TMEM184B: variants seen among roughly 807,000 people sequenced by gnomAD.
The protein encoded by TMEM184B is transmembrane protein 184B, also known as putative MAPK-activating protein FM08.
Under a neutral mutation model 41.8 loss-of-function variants are expected in TMEM184B, and 17 were observed. The ratio of observed to expected loss-of-function variants is 0.41; its 90% confidence interval spans 0.28 to 0.61. The LOEUF is 0.61. TMEM184B is among the 20% of genes least tolerant of loss of function. TMEM184B has a pLI of 0.34. For synonymous variants in TMEM184B, 240 were observed against 229.5 expected, an observed-to-expected ratio of 1.05 and a Z score of -0.41; for missense variants, 393 against 557.8, an observed-to-expected ratio of 0.70 and a Z score of 2.98.
chr22:38,261,168 G>A (rs2092363676), intron 1 of TMEM184B, among the ~76,000 whole-genome samples: 1 of 152,152 alleles, frequency 6.6e-6, no homozygotes, highest in Non-Finnish European at 1.5e-5. Context: ...CTGAGCTTCT[G>A]GGCAGCTGCA....
chr22:38,234,604 CCTGGGACGTG>C (rs58466849), intron 3 of TMEM184B, among the ~76,000 whole-genome samples: 1,717 of 152,344 alleles, frequency 0.011, 33 homozygotes, highest in African/African-American at 0.04. Context: ...GACTGAAGCT[CCTGGGACGTG>C]CTGTGATCAC....
At chr22:38,216,620 T>C (rs2146028301), downstream of TMEM184B, 1 of 155,310 alleles carries the variant, frequency 6.4e-6, no homozygotes, top group East Asian at 1.9e-4. Flanking sequence ...TCACCAGCTA[T>C]TGCACAGGGT....
In TMEM184B at chr22:38,221,490, G is replaced by A. The variant is rs190768273; in HGVS notation, c.1203C>T (p.Leu401=). ...GARDNEKTLL[L]SSDDEF Reference sequence around the variant, plus strand: ...GCACCTAGAATTCATCATCAGAGCTGAGCAGGAGAGTCTTCTCGTTGTCGC... The same window carrying A: ...GCACCTAGAATTCATCATCAGAGCTAAGCAGGAGAGTCTTCTCGTTGTCGC... Residue 401 remains leucine, a synonymous_variant, in exon 9 of 9, where the codon CTC becomes CTT. Transcript: ENST00000361906. 1.2e-6 allele frequency: 2 copies of A among 1,612,316 alleles called. No individual in the cohort carries two copies. Among genetic ancestry groups the A allele is most frequent in the Non-Finnish European group, 8.5e-7 (1 of 1,179,472 alleles).
In TMEM184B at chr22:38,226,991, A is replaced by G; in HGVS notation, c.526-121T>C. ...GACAGAGAGGATGAAGGAGACGGAG[A>G]GGACGGAGGGATGGAGGGACGGAGG... On this transcript the variant is annotated intron_variant, in intron 5 of 8. Transcript: ENST00000361906. This position sits in a 1 kb window ranked among gnomAD's most constrained non-coding sequence, Gnocchi z 4.6. 4.1e-6 allele frequency: 4 copies of G among 971,166 alleles called. No individual in the cohort carries two copies. Among genetic ancestry groups the G allele is most frequent in the Non-Finnish European group, 6.1e-6 (4 of 650,424 alleles). 60.2% of individuals were successfully genotyped at this position (971,166 alleles called of 1,614,324 possible).
intron 2 of TMEM184B, chr22:38,246,623 G>T (rs890343894): frequency 3.2e-6 from 1 of 315,550 alleles, no homozygotes. Context: ...CTTCCTGGCC[G>T]AGTGGCTGCA....
chr22:38,229,291 C>T (rs1440700820), intron 5 of TMEM184B, among the ~76,000 whole-genome samples: 3 of 152,350 alleles, frequency 2.0e-5, no homozygotes, highest in East Asian at 1.9e-4. Flanking sequence ...GAAGAGTGGG[C>T]GTGATCCCCT....
At chr22:38,237,988 TG>T (rs1216299111) in intron 3 of TMEM184B, among the ~76,000 whole-genome samples, 2 of 151,614 alleles carry the variant, frequency 1.3e-5, no homozygotes. Flanking sequence ...TTAGTAGAGA[TG>T]GGGTTTCTCC....
At chr22:38,224,537 A>G (rs2091369290) in intron 8 of TMEM184B, among the ~76,000 whole-genome samples, 1 of 152,216 alleles carries the variant, frequency 6.6e-6, no homozygotes, top group African/African-American at 2.4e-5. Flanking sequence ...CTCTGTCTGT[A>G]TCAGCCCTGG....
intron 1 of TMEM184B, among the ~76,000 whole-genome samples, chr22:38,270,955 T>A (rs1004736053): frequency 6.6e-6 from 1 of 152,102 alleles, no homozygotes; most frequent in Non-Finnish European, 1.5e-5. Context: ...ACTCGGCCAA[T>A]AGGAAAGAAC....
rs1229978963 is a variant in TMEM184B, at chr22:38,225,220, C to T, written c.787+204G>A. On this transcript the variant is annotated intron_variant, in intron 7 of 8. Transcript: ENST00000361906. This position sits in a 1 kb window ranked among gnomAD's most constrained non-coding sequence, Gnocchi z 4.4. Reference sequence around the variant, plus strand: ...CGCAGGGTCTCCTGGGCCCTCTCATCCATGTAGCGGCCCCACCAAAGCTCT... The same window carrying T: ...CGCAGGGTCTCCTGGGCCCTCTCATTCATGTAGCGGCCCCACCAAAGCTCT... Among the ~76,000 whole-genome samples the T allele has an allele frequency of 6.6e-6, 1 of 152,166 alleles. No individual in the cohort carries two copies.
intron 1 of TMEM184B, among the ~76,000 whole-genome samples, chr22:38,264,248 A>C (rs2092412783): frequency 6.6e-6 from 1 of 152,212 alleles, no homozygotes; most frequent in South Asian, 2.1e-4. Context: ...TGCATTTCCC[A>C]GCTGTCAGTA....
intron 1 of TMEM184B, among the ~76,000 whole-genome samples, chr22:38,251,968 C>A (rs2092175003): frequency 6.6e-6 from 1 of 151,132 alleles, no homozygotes; most frequent in Non-Finnish European, 1.5e-5. Flanking sequence ...GATCACAGCT[C>A]ACTGCAGCCT....
At chr22:38,217,843 AAAAAG>A (rs1450756725), downstream of TMEM184B, among the ~76,000 whole-genome samples, 3,304 of 135,904 alleles carry the variant, frequency 0.024, 166 homozygotes, top group African/African-American at 0.092. Flanking sequence ...AAAAAAAAAA[AAAAAG>A]AAAAGAAAAG....
intron 8 of TMEM184B, chr22:38,223,653 C>A (rs558552139): frequency 1.3e-5 from 2 of 152,378 alleles, no homozygotes. Context: ...TCCAGCCACT[C>A]GGGCAGACAG....
Position 38,220,735 on chromosome 22 carries a change from G to A in TMEM184B, c.*734C>T, listed in dbSNP as rs2091235361. The stretch of plus-strand genomic sequence containing the variant: ...GAGCCGGCAGTGCGGGCTGTGGGCT[G>A]TCCTTGGTAGGCCAGGGGGAAGGGG... On this transcript the variant is annotated 3_prime_UTR_variant, in exon 9 of 9. Coordinates refer to ENST00000361906, the MANE Select transcript of TMEM184B (RefSeq NM_012264.5). The A allele has an allele frequency of 1.0e-6, 1 of 986,358 alleles. No individual in the cohort carries two copies. Among genetic ancestry groups the A allele is most frequent in the African/African-American group, 1.7e-5 (1 of 57,382 alleles). 61.1% of individuals were successfully genotyped at this position (986,358 alleles called of 1,614,324 possible). A position where few individuals can be genotyped will look rare whatever the true frequency, so the allele number is the denominator to read the frequency against.
chr22:38,224,168 T>C (rs1169041454), intron 8 of TMEM184B: 1 of 152,164 alleles, frequency 6.6e-6, no homozygotes, highest in Non-Finnish European at 1.5e-5. Context: ...CAGGCTGGAG[T>C]GCAATGGCAC....
In TMEM184B at chr22:38,231,263, T is replaced by C; in HGVS notation, c.430A>G (p.Ile144Val). The C allele has an allele frequency of 6.2e-7, 1 of 1,614,074 alleles. No individual in the cohort carries two copies. The highest frequency in any genetic ancestry group is 8.5e-7 in the Non-Finnish European group (1 of 1,179,988). ...LGGESSIMSE[I>V]RGKPIESSCM... is the part of the protein sequence containing the mutation. Reference sequence around the variant, plus strand: ...ACTCACTCAATGGGTTTTCCTCTGATCTCCGACATGATGGAACTTTCTCCT... The same window carrying C: ...ACTCACTCAATGGGTTTTCCTCTGACCTCCGACATGATGGAACTTTCTCCT... The change falls in exon 4 of 9, where the codon ATC (isoleucine) becomes GTC (valine). Residue 144 changes from isoleucine (I) to valine (V), a missense_variant. Ile to Val is a conservative substitution (Grantham distance 29). Transcript: ENST00000361906.
chr22:38,220,481 C>G lies in TMEM184B; in HGVS notation c.*988G>C. On this transcript the variant is annotated 3_prime_UTR_variant, in exon 9 of 9. Coordinates refer to ENST00000361906, the MANE Select transcript of TMEM184B (RefSeq NM_012264.5). ...GTCTGGGACCATTCCCCCCACCTCC[C>G]AGCTCCCCACTGTGTGGCCACCCCT... 5 of 985,922 alleles carry G rather than the reference C, an allele frequency of 5.1e-6. No homozygotes were observed. Among genetic ancestry groups the G allele is most frequent in the Non-Finnish European group, 6.0e-6 (5 of 830,018 alleles). The allele number at this position is 985,922 out of a possible 1,614,324, so 61.1% of individuals were successfully genotyped here. A position where few individuals can be genotyped will look rare whatever the true frequency, so the allele number is the denominator to read the frequency against.
intron 3 of TMEM184B, among the ~76,000 whole-genome samples, chr22:38,244,219 AAG>A (rs1318424166): frequency 1.3e-5 from 2 of 152,040 alleles, no homozygotes; most frequent in African/African-American, 4.8e-5. Context: ...CGTGGAGAGG[AAG>A]AGAGACTCCA....
Sources: gnomAD v4.1 joint callset for allele counts (sites outside exome capture counted in the v4.1 genomes callset) on GRCh38, gnomAD v4.1.1 for gene constraint, Gnocchi (gnomAD v3.1) non-coding constraint, MANE v1.5 for transcripts, NCBI Gene and HGNC (gene_info 2026-07-23, HGNC 2026-07-21) for gene names.